The following NUS1 variants were observed in gnomAD, a reference collection of about 807,000 sequenced individuals.
The protein encoded by NUS1 is dehydrodolichyl diphosphate synthase complex subunit NUS1.
For missense variants in NUS1, 292 were observed against 382.9 expected, an observed-to-expected ratio of 0.76 and a Z score of 1.98; for synonymous variants, 135 against 155.2, an observed-to-expected ratio of 0.87 and a Z score of 0.97.
intron 1 of NUS1, among the ~76,000 whole-genome samples, chr6:117,680,807 T>TA (rs1562174727): frequency 6.6e-6 from 1 of 152,262 alleles, no homozygotes; most frequent in Non-Finnish European, 1.5e-5. Flanking sequence ...GGCATTGCCT[T>TA]CTGTGTGAGA....
chr6:117,693,008 A>T, intron 1 of NUS1, 34 bp from the exon 2 acceptor site: 1 of 1,560,484 alleles, frequency 6.4e-7, no homozygotes. Context: ...AAATTAACCT[A>T]GTTGTGTTTT....
chr6:117,684,946 T>C (rs900596052), intron 1 of NUS1, among the ~76,000 whole-genome samples: 2 of 152,214 alleles, frequency 1.3e-5, no homozygotes, highest in African/African-American at 4.8e-5. Flanking sequence ...TACATATGCA[T>C]GTGGACAAAG....
intron 3 of NUS1, among the ~76,000 whole-genome samples, chr6:117,696,126 T>C (rs1311996369): frequency 6.6e-6 from 1 of 151,566 alleles, no homozygotes; most frequent in African/African-American, 2.4e-5. Flanking sequence ...AATTCTGGAG[T>C]TGAAAATGCA....
At chr6:117,676,266 G>A (rs1467917008) in intron 1 of NUS1, among the ~76,000 whole-genome samples, 181 bp downstream of exon 1, 1 of 152,230 alleles carries the variant, frequency 6.6e-6, no homozygotes, top group African/African-American at 2.4e-5. Context: ...ATTTGACTCA[G>A]TAGCTTTTTA....
At chr6:117,704,269 A>G (rs186769191) in intron 4 of NUS1, among the ~76,000 whole-genome samples, 4 of 152,242 alleles carry the variant, frequency 2.6e-5, no homozygotes, top group Admixed American at 2.6e-4. Flanking sequence ...ACTAGAGTGG[A>G]TTGAATTTGG....
chr6:117,683,676 T>C lies in NUS1; in HGVS notation c.415+7591T>C, dbSNP rs75182299. Among the ~76,000 whole-genome samples, 1,175 of 152,320 alleles carry C rather than the reference T, an allele frequency of 7.7e-3. 15 individuals carry two copies. The highest frequency in any genetic ancestry group is 0.027 in the African/African-American group (1,118 of 41,578). ...TCTCTTGTTTGTTCTTGTAAGTACT[T>C]GCTATTATTTCTTAAAAAGTCTGTT... On this transcript the variant is annotated intron_variant, in intron 1 of 4. Transcript: ENST00000368494.
At chr6:117,705,606 T>C (rs1236921401) in intron 4 of NUS1, among the ~76,000 whole-genome samples, 1 of 152,006 alleles carries the variant, frequency 6.6e-6, no homozygotes, top group East Asian at 1.9e-4. Context: ...GCAGGGAAAA[T>C]GTTAATCATA....
intron 1 of NUS1, among the ~76,000 whole-genome samples, chr6:117,686,848 G>GTGTA (rs1398130053): frequency 1.1e-5 from 1 of 88,588 alleles, no homozygotes; most frequent in Admixed American, 1.3e-4. Context: ...CATGTGAAGT[G>GTGTA]TGTATGTGTG....
At chr6:117,691,552 GATATAGAT>G (rs1193289151) in intron 1 of NUS1, among the ~76,000 whole-genome samples, 32 of 37,554 alleles carry the variant, frequency 8.5e-4, no homozygotes, top group Non-Finnish European at 1.4e-3. Context: ...CTGTGCCATA[GATATAGAT>G]ATATATATAT....
chr6:117,679,771 A>T (rs1582463753), intron 1 of NUS1, among the ~76,000 whole-genome samples: 1 of 152,342 alleles, frequency 6.6e-6, no homozygotes, highest in East Asian at 1.9e-4. Context: ...AAGATGTCTT[A>T]GGACCTAACC....
At position 117,710,704 on chromosome 6, in the gene NUS1, A is replaced by T. The variant is rs1056272646; in HGVS notation, c.*3689A>T. ...GTCTGGATATAAATTACAATAGCAC[A>T]TGAAAATAAAATGTTTTAAAAAATT... On this transcript the variant is annotated 3_prime_UTR_variant, in exon 5 of 5. Coordinates refer to ENST00000368494, the MANE Select transcript of NUS1 (RefSeq NM_138459.5). The T allele has an allele frequency of 3.3e-5, 5 of 152,220 alleles. No individual in the cohort carries two copies. The highest frequency in any genetic ancestry group is 1.2e-4 in the African/African-American group (5 of 41,474). The allele number at this position is 152,220 out of a possible 1,614,324, so 9.4% of individuals were successfully genotyped here. A position where few individuals can be genotyped will look rare whatever the true frequency, so the allele number is the denominator to read the frequency against.
chr6:117,700,659 A>G (rs12208173), intron 3 of NUS1, among the ~76,000 whole-genome samples: 67,085 of 152,038 alleles, frequency 0.44, 17,724 homozygotes, highest in Non-Finnish European at 0.61. Flanking sequence ...ATGAACTCCT[A>G]TGTTTATTGC....
At chr6:117,699,601 G>T (rs1773373315) in intron 3 of NUS1, among the ~76,000 whole-genome samples, 2 of 151,988 alleles carry the variant, frequency 1.3e-5, no homozygotes, top group Non-Finnish European at 2.9e-5. Context: ...AAATATCAAT[G>T]CAGTCTATCA....
At chr6:117,680,721 G>A (rs1244060555) in intron 1 of NUS1, among the ~76,000 whole-genome samples, 3 of 152,142 alleles carry the variant, frequency 2.0e-5, no homozygotes, top group African/African-American at 7.2e-5. Context: ...TATATTTCAT[G>A]TTCCTTTTCA....
At chr6:117,678,460 T>TA (rs1773014835) in intron 1 of NUS1, among the ~76,000 whole-genome samples, 2 of 151,978 alleles carry the variant, frequency 1.3e-5, no homozygotes, top group Admixed American at 1.3e-4. Flanking sequence ...CGTGGGTAAA[T>TA]ATGTGGTAAT....
intron 3 of NUS1, among the ~76,000 whole-genome samples, chr6:117,697,494 G>T (rs754408316): frequency 1.3e-5 from 2 of 151,988 alleles, no homozygotes; most frequent in Non-Finnish European, 2.9e-5. Flanking sequence ...CCCAAAAAGA[G>T]CAGGAGTTAC....
intron 1 of NUS1, among the ~76,000 whole-genome samples, chr6:117,691,552 GATATAGATATATATATATAT>G (rs1274008978): frequency 2.7e-5 from 1 of 37,556 alleles, no homozygotes; most frequent in Non-Finnish European, 6.7e-5. Context: ...CTGTGCCATA[GATATAGATATATATATATAT>G]ATATATATAT....
At chr6:117,692,688 T>C (rs1773240453) in intron 1 of NUS1, among the ~76,000 whole-genome samples, 1 of 152,262 alleles carries the variant, frequency 6.6e-6, no homozygotes, top group South Asian at 2.1e-4. Context: ...AGACCACTGC[T>C]GCAGTTTATA....
rs1291910469 is a variant in NUS1, at chr6:117,708,112, C to A, written c.*1097C>A. On this transcript the variant is annotated 3_prime_UTR_variant, in exon 5 of 5. Coordinates refer to ENST00000368494, the MANE Select transcript of NUS1 (RefSeq NM_138459.5). ...TACCTGAGATTTTTACTCAGTAAAT[C>A]CTGATGGTTACTGTGTGTAAAATAT... 6.6e-6 allele frequency: 1 copy of A among 152,348 alleles called. No homozygotes were observed. The highest frequency in any genetic ancestry group is 1.5e-5 in the Non-Finnish European group (1 of 68,026). The allele number at this position is 152,348 out of a possible 1,614,324, so 9.4% of individuals were successfully genotyped here.
Sources: allele counts gnomAD v4.1 joint callset (sites outside exome capture counted in the v4.1 genomes callset), GRCh38; gene constraint gnomAD v4.1.1; transcripts MANE v1.5; gene names NCBI Gene and HGNC (gene_info 2026-07-23, HGNC 2026-07-21).